HMCN1: variants seen among roughly 807,000 people sequenced by gnomAD.
HMCN1 encodes the protein hemicentin-1.
HMCN1 carries 321 observed loss-of-function variants against 625.9 expected under a neutral mutation model. The observed-to-expected ratio is 0.51, with a 90% confidence interval of 0.47 to 0.56. HMCN1 has a LOEUF of 0.56. Ranked by LOEUF, HMCN1 falls within the 20% of genes least tolerant of loss-of-function variation. The probability of loss-of-function intolerance (pLI) is 0.00; values close to 1 mark genes in which losing one functional copy is unlikely to be tolerated. For synonymous variants in HMCN1, 2,425 were observed against 2,417.6 expected (o/e 1.00, Z -0.09); for missense variants, 6,588 against 6,887.3 (o/e 0.96, Z 1.54).
At chr1:185,866,773 C>T (rs192607085) in intron 4 of HMCN1, among the ~76,000 whole-genome samples, 1 of 152,014 alleles carries the variant, frequency 6.6e-6, no homozygotes, top group East Asian at 1.9e-4. Context: ...TTTTTTAAAC[C>T]TGTTTATGTA....
intron 36 of HMCN1, among the ~76,000 whole-genome samples, 183 bp downstream of exon 36, chr1:186,023,336 G>A (rs1029500238): frequency 2.0e-5 from 3 of 149,916 alleles, no homozygotes; most frequent in African/African-American, 7.4e-5. Context: ...CTCGTGTTAG[G>A]ATCTTCTGTT....
chr1:185,830,567 G>T (rs1357032395), intron 1 of HMCN1, among the ~76,000 whole-genome samples: 1 of 152,002 alleles, frequency 6.6e-6, no homozygotes, highest in African/African-American at 2.4e-5. Context: ...GTAGATGTGT[G>T]GTGTTATCTC....
chr1:185,902,038 T>C (rs1194830156), intron 4 of HMCN1, among the ~76,000 whole-genome samples: 1 of 151,628 alleles, frequency 6.6e-6, no homozygotes, highest in Admixed American at 6.6e-5. Flanking sequence ...TTCTTAGTCA[T>C]TAAAAATTAA....
chr1:186,063,472 A>T (rs993626022), intron 48 of HMCN1, among the ~76,000 whole-genome samples: 13 of 130,618 alleles, frequency 1.0e-4, no homozygotes, highest in Non-Finnish European at 1.8e-4. Context: ...GAAGGAAGGA[A>T]GGAAGGAAGG....
rs762931809 is a variant in HMCN1 at position 185,993,170 on chromosome 1, T to C, written c.3378-12T>C. 6.2e-7 allele frequency: 1 copy of C among 1,610,622 alleles called. No homozygotes were observed. Among genetic ancestry groups the C allele is most frequent in the East Asian group, 2.2e-5 (1 of 44,772 alleles). ...CTCTTCCATGGTCTACTATATGGTT[T>C]CTTTCTTTTAGACACACATTCCTCC... is the stretch of plus-strand genomic sequence containing the variant. On this transcript the variant is annotated splice_polypyrimidine_tract_variant and intron_variant, in intron 22 of 106. Transcript: ENST00000271588.
rs569822888 is a variant in HMCN1, at chr1:185,735,956, A to T, written c.268+909A>T. ...TGAAGAAATGAAGCAGTGATTTCTT[A>T]ACAGTCCTCCCCCACTGTTCTCCCA... On this transcript the variant is annotated intron_variant, in intron 1 of 106. Transcript: ENST00000271588. 7.2e-5 allele frequency among the ~76,000 whole-genome samples: 11 copies of T among 152,318 alleles called. No individual in the cohort carries two copies. The South Asian group carries it at 2.1e-3, about 29-fold the overall frequency.
At chr1:185,751,317 T>TA (rs1376093724) in intron 1 of HMCN1, among the ~76,000 whole-genome samples, 16 of 152,298 alleles carry the variant, frequency 1.1e-4, no homozygotes, top group African/African-American at 3.6e-4. Flanking sequence ...ACTTAGCCCA[T>TA]TGAAGATAGC....
chr1:185,794,343 T>TTATATATATATA (rs61058896), intron 1 of HMCN1, among the ~76,000 whole-genome samples: 1,536 of 147,652 alleles, frequency 0.01, 16 homozygotes, highest in African/African-American at 0.036. Flanking sequence ...AGAGGATAGA[T>TTATATATATATA]TATATATATA....
intron 1 of HMCN1, among the ~76,000 whole-genome samples, chr1:185,809,930 A>G (rs985645111): frequency 2.0e-5 from 3 of 152,054 alleles, no homozygotes; most frequent in Non-Finnish European, 2.9e-5. Context: ...TTGGGTATCA[A>G]TATTTATTCT....
intron 1 of HMCN1, among the ~76,000 whole-genome samples, chr1:185,831,025 A>G (rs1308090387): frequency 1.3e-5 from 2 of 152,222 alleles, no homozygotes; most frequent in South Asian, 2.1e-4. Context: ...TGATAACATT[A>G]ATAACATTTA....
At chr1:186,064,827 A>AC (rs1658002378) in intron 48 of HMCN1, among the ~76,000 whole-genome samples, 1 of 151,360 alleles carries the variant, frequency 6.6e-6, no homozygotes, top group Non-Finnish European at 1.5e-5. Flanking sequence ...AAAAAAAAAA[A>AC]AGTATATGAA....
At chr1:186,148,497 A>G (rs1272992997) in intron 93 of HMCN1, among the ~76,000 whole-genome samples, 1 of 152,110 alleles carries the variant, frequency 6.6e-6, no homozygotes, top group Admixed American at 6.6e-5. Flanking sequence ...TTATAGCCTT[A>G]GAAAATATTT....
rs1558134236 is a variant in HMCN1, at chr1:186,003,740, CA to C, written c.4373del (p.Asn1458ThrfsTer47). ...VLVPPTIIGT[N>X]FPNEVSVVLN... ...AAGTTCCACCCACCATAATAGGTAC[CA>C]ACTTCCCAAATGAAGTCTCAGTTGT... On this transcript the variant is annotated frameshift_variant, in exon 29 of 107. Coordinates refer to ENST00000271588, the MANE Select transcript of HMCN1 (RefSeq NM_031935.3). LOFTEE classifies it high-confidence loss of function. 6.2e-7 allele frequency: 1 copy of C among 1,613,110 alleles called. No homozygotes were observed. Among genetic ancestry groups the C allele is most frequent in the Non-Finnish European group, 8.5e-7 (1 of 1,179,282 alleles).
chr1:185,971,133 C>T (rs982386326), intron 15 of HMCN1, among the ~76,000 whole-genome samples: 7 of 152,142 alleles, frequency 4.6e-5, no homozygotes, highest in African/African-American at 1.7e-4. Flanking sequence ...TGTTTCCCTA[C>T]GAAGAGTCAT....
chr1:186,153,257 T>G (rs1275678570), intron 96 of HMCN1, among the ~76,000 whole-genome samples: 1 of 152,212 alleles, frequency 6.6e-6, no homozygotes, highest in Non-Finnish European at 1.5e-5. Flanking sequence ...AGTCTCTTAT[T>G]AAACTGAAAT....
chr1:185,795,311 A>G (rs374398888), intron 1 of HMCN1, among the ~76,000 whole-genome samples: 19 of 152,296 alleles, frequency 1.2e-4, no homozygotes, highest in Middle Eastern at 3.4e-3. Flanking sequence ...GTACATTTTT[A>G]TCTTGTTACT....
intron 68 of HMCN1, among the ~76,000 whole-genome samples, chr1:186,102,793 G>C (rs1306017402): frequency 6.6e-6 from 1 of 152,096 alleles, no homozygotes; most frequent in Non-Finnish European, 1.5e-5. Flanking sequence ...TCATCATAAG[G>C]GGAATGTGTT....
chr1:185,885,022 A>C (rs1664546945), intron 4 of HMCN1, among the ~76,000 whole-genome samples: 1 of 151,868 alleles, frequency 6.6e-6, no homozygotes, highest in Non-Finnish European at 1.5e-5. Flanking sequence ...AAAAAGAAAA[A>C]TTACATTAAT....
chr1:185,790,059 G>A (rs2102197806), intron 1 of HMCN1, among the ~76,000 whole-genome samples: 1 of 152,270 alleles, frequency 6.6e-6, no homozygotes, highest in Admixed American at 6.5e-5. Flanking sequence ...AGTCTGTCCT[G>A]TCATTTGTGA....
Sources: gnomAD v4.1 joint callset for allele counts (sites outside exome capture counted in the v4.1 genomes callset) on GRCh38, gnomAD v4.1.1 for gene constraint, MANE v1.5 for transcripts, NCBI Gene and HGNC (gene_info 2026-07-23, HGNC 2026-07-21) for gene names.